Variants in CDH4 observed in about 807,000 individuals in gnomAD.
CDH4 encodes the protein cadherin 4.
A neutral mutation model predicts 86.0 loss-of-function variants in CDH4; 33 were observed. The ratio of observed to expected loss-of-function variants is 0.38; its 90% CI spans 0.29 to 0.51. The LOEUF (loss-of-function observed/expected upper bound fraction) is 0.51, where lower values mean the gene tolerates loss of function less well. Among genes scored for constraint, CDH4 ranks in the 20% least tolerant of loss-of-function variants. CDH4 has a pLI of 0.86. For synonymous variants in CDH4, 555 were observed against 549.4 expected (o/e 1.01, Z -0.14); for missense variants, 1,114 against 1,307.4 (o/e 0.85, Z 2.28).
intron 4 of CDH4, among the ~76,000 whole-genome samples, chr20:61,808,541 T>G (rs1980259279): frequency 1.3e-5 from 2 of 152,154 alleles, no homozygotes; most frequent in Admixed American, 1.3e-4. Context: ...GCTCAGCCCC[T>G]CCCAGATCTT....
chr20:61,861,241 G>A (rs919492537), intron 6 of CDH4, among the ~76,000 whole-genome samples: 4 of 152,160 alleles, frequency 2.6e-5, no homozygotes, highest in Non-Finnish European at 4.4e-5. Flanking sequence ...CACACCTTCC[G>A]CTGAAGATGC....
intron 2 of CDH4, among the ~76,000 whole-genome samples, chr20:61,635,915 GC>G (rs2086941665): frequency 6.6e-6 from 1 of 152,166 alleles, no homozygotes; most frequent in Admixed American, 6.5e-5. Flanking sequence ...TGACTTAGTG[GC>G]AGTGGGGGCT....
intron 2 of CDH4, among the ~76,000 whole-genome samples, chr20:61,293,906 T>C (rs921569312): frequency 6.6e-6 from 1 of 152,078 alleles, no homozygotes; most frequent in Admixed American, 6.5e-5. Flanking sequence ...GTTTTGCGGG[T>C]CCACTTTGTG....
At chr20:61,292,237 T>C (rs1386218909) in intron 2 of CDH4, among the ~76,000 whole-genome samples, 1 of 152,222 alleles carries the variant, frequency 6.6e-6, no homozygotes, top group African/African-American at 2.4e-5. Context: ...TCAGCCGAAA[T>C]GCCCATCAGT....
At chr20:61,503,876 C>A (rs1482363787) in intron 2 of CDH4, among the ~76,000 whole-genome samples, 1 of 152,184 alleles carries the variant, frequency 6.6e-6, no homozygotes, top group Non-Finnish European at 1.5e-5. Flanking sequence ...CATCTGTTCC[C>A]ACAGCGTGAA....
chr20:61,707,388 A>G (rs781776288), intron 2 of CDH4, among the ~76,000 whole-genome samples: 13 of 152,232 alleles, frequency 8.5e-5, no homozygotes, highest in Non-Finnish European at 1.5e-5. Context: ...CCTGTTATAC[A>G]GGGAAAGGAC....
chr20:61,569,265 A>G (rs1568690924), intron 2 of CDH4, among the ~76,000 whole-genome samples: 1 of 152,222 alleles, frequency 6.6e-6, no homozygotes, highest in Non-Finnish European at 1.5e-5. Context: ...TGCACATAGT[A>G]AGTGCTCAAT....
At chr20:61,861,866 G>A (rs561049956) in intron 6 of CDH4, among the ~76,000 whole-genome samples, 64 of 152,304 alleles carry the variant, frequency 4.2e-4, no homozygotes, top group African/African-American at 1.0e-3. Context: ...TGGGTGCTGC[G>A]GAGGGCACCA....
At chr20:61,887,209 C>A (rs1436182266) in intron 7 of CDH4, among the ~76,000 whole-genome samples, 3 of 152,164 alleles carry the variant, frequency 2.0e-5, no homozygotes, top group African/African-American at 7.2e-5. Context: ...GGGAGCCAGG[C>A]CAACCCTGCC....
At chr20:61,261,593 G>A (rs1289642798) in intron 2 of CDH4, among the ~76,000 whole-genome samples, 1 of 152,164 alleles carries the variant, frequency 6.6e-6, no homozygotes, top group East Asian at 1.9e-4. Flanking sequence ...ATTGGCCTAA[G>A]GGTAGGAGAT....
At chr20:61,653,712 G>T (rs1216207052) in intron 2 of CDH4, among the ~76,000 whole-genome samples, 1 of 113,836 alleles carries the variant, frequency 8.8e-6, no homozygotes, top group African/African-American at 2.9e-5. Flanking sequence ...AGACGGGGTC[G>T]CAGCCGGGCA....
intron 2 of CDH4, among the ~76,000 whole-genome samples, chr20:61,559,132 C>T (rs559826370): frequency 7.9e-5 from 12 of 152,274 alleles, no homozygotes; most frequent in South Asian, 2.1e-4. Context: ...GCCAGGCCAA[C>T]GTGGTGAAAT....
At chr20:61,769,013 C>G (rs549464486) in intron 3 of CDH4, among the ~76,000 whole-genome samples, 96 of 152,318 alleles carry the variant, frequency 6.3e-4, no homozygotes, top group African/African-American at 2.1e-3. Flanking sequence ...ACCAGCCAGT[C>G]TCTGCCTCCG....
At chr20:61,869,961 G>A (rs558161323) in intron 6 of CDH4, among the ~76,000 whole-genome samples, 5 of 152,364 alleles carry the variant, frequency 3.3e-5, no homozygotes, top group South Asian at 2.1e-4. Context: ...TGGAGGCGGA[G>A]GAGGGGGACC....
rs1355220082 is a variant in CDH4, at chr20:61,380,594, T to C, written c.169+125657T>C. On this transcript the variant is annotated intron_variant, in intron 2 of 15. Coordinates refer to ENST00000614565, the MANE Select transcript of CDH4 (RefSeq NM_001794.5). ...TCAAGATGTCAGCAAGTTGCGATGA[T>C]GAGAAGATAATATCTTTCGGGAGGA... Among the ~76,000 whole-genome samples the C allele has an allele frequency of 2.7e-5, 4 of 148,366 alleles. No individual in the cohort carries two copies. The East Asian group carries it at 5.9e-4, about 22-fold the overall frequency.
At chr20:61,742,155 C>A (rs943050620) in intron 2 of CDH4, among the ~76,000 whole-genome samples, 1 of 147,022 alleles carries the variant, frequency 6.8e-6, no homozygotes, top group Non-Finnish European at 1.5e-5. Context: ...ATGATTCCGT[C>A]CTTAGAAGGG....
intron 4 of CDH4, among the ~76,000 whole-genome samples, chr20:61,802,238 A>G (rs542323700): frequency 6.6e-6 from 1 of 152,304 alleles, no homozygotes; most frequent in Non-Finnish European, 1.5e-5. Flanking sequence ...CACCCTGATC[A>G]TGCTCTGTTC....
At chr20:61,747,992 A>G (rs1034070465) in intron 3 of CDH4, among the ~76,000 whole-genome samples, 1 of 152,204 alleles carries the variant, frequency 6.6e-6, no homozygotes, top group African/African-American at 2.4e-5. Flanking sequence ...GTTAGAACCC[A>G]AAGACAAAGA....
intron 4 of CDH4, among the ~76,000 whole-genome samples, chr20:61,774,047 C>T (rs66842592): frequency 0.021 from 3,168 of 152,246 alleles, 102 homozygotes; most frequent in African/African-American, 0.072. Flanking sequence ...CCAAAATGAC[C>T]GGTTATTTAT....
Sources: allele counts gnomAD v4.1 joint callset (sites outside exome capture counted in the v4.1 genomes callset), GRCh38; gene constraint gnomAD v4.1.1; transcripts MANE v1.5; gene names NCBI Gene and HGNC (gene_info 2026-07-23, HGNC 2026-07-21).